Variants in KLHL4 observed in about 807,000 individuals in gnomAD.
The protein encoded by KLHL4 is kelch like family member 4, also known as kelch-like protein 4.
In KLHL4, 17 loss-of-function variants were observed where a neutral mutation model predicts 45.8. That is an observed-to-expected ratio of 0.37 (90% confidence interval 0.25 to 0.56). The LOEUF (loss-of-function observed/expected upper bound fraction) is 0.56, where lower values mean the gene tolerates loss of function less well. KLHL4 is among the 20% of genes least tolerant of loss of function. The pLI is 0.79. For missense variants in KLHL4, 544 were observed against 544.9 expected (o/e 1.00, Z 0.02); for synonymous variants, 224 against 189.9 (o/e 1.18, Z -1.47).
At chrX:87,659,944 G>A (rs1377275499) in intron 9 of KLHL4, among the ~76,000 whole-genome samples, 1 of 91,141 alleles carries the variant, frequency 1.1e-5, no homozygotes, top group East Asian at 3.5e-4. Context: ...TTCCGGATGT[G>A]TGTGTGCGCG....
chrX:87,543,566 G>A (rs1258643337), intron 1 of KLHL4, among the ~76,000 whole-genome samples: 1 of 110,801 alleles, frequency 9.0e-6, no homozygotes, highest in Non-Finnish European at 1.9e-5. Context: ...GGGAGAACAC[G>A]GCAATTATAA....
intron 1 of KLHL4, among the ~76,000 whole-genome samples, chrX:87,560,617 C>G (rs1932076953): frequency 9.0e-6 from 1 of 110,856 alleles, no homozygotes; most frequent in African/African-American, 3.3e-5. Context: ...TCCATTGTCC[C>G]CACTCCCACT....
At chrX:87,558,882 G>T (rs1932036923) in intron 1 of KLHL4, among the ~76,000 whole-genome samples, 1 of 111,805 alleles carries the variant, frequency 8.9e-6, no homozygotes, top group South Asian at 3.7e-4. Context: ...GTCTTATTTG[G>T]ATTGTGGTAA....
chrX:87,518,923 T>A, intron 1 of KLHL4, among the ~76,000 whole-genome samples: 1 of 112,366 alleles, frequency 8.9e-6, no homozygotes, highest in Middle Eastern at 4.6e-3. Context: ...CTTACAGCAA[T>A]GTGATCTTAA....
At chrX:87,651,783 A>T (rs932751754) in intron 9 of KLHL4, among the ~76,000 whole-genome samples, 2 of 111,780 alleles carry the variant, frequency 1.8e-5, no homozygotes, top group Non-Finnish European at 3.8e-5. Flanking sequence ...CAGGTGCACA[A>T]TGCAAGCTGT....
At chrX:87,590,341 CAAAG>C (rs1317517147) in intron 1 of KLHL4, among the ~76,000 whole-genome samples, 2 of 110,643 alleles carry the variant, frequency 1.8e-5, no homozygotes, top group African/African-American at 6.6e-5. Context: ...TGAAAAAAAT[CAAAG>C]AAACCCCTGA....
intron 3 of KLHL4, among the ~76,000 whole-genome samples, chrX:87,616,663 G>A (rs773468066): frequency 3.6e-5 from 4 of 111,397 alleles, no homozygotes; most frequent in African/African-American, 6.5e-5. Context: ...CTACTGTATC[G>A]AAGACATTTA....
chrX:87,632,151 T>C, intron 6 of KLHL4, 59 bp from the exon 7 acceptor site: 1 of 704,515 alleles, frequency 1.4e-6, no homozygotes, highest in Admixed American at 2.6e-5. Flanking sequence ...ATGTGAATAA[T>C]ACCAATTCAA....
intron 1 of KLHL4, among the ~76,000 whole-genome samples, chrX:87,546,220 T>C (rs900911605): frequency 1.8e-5 from 2 of 110,852 alleles, no homozygotes; most frequent in African/African-American, 3.3e-5. Context: ...ACCAGAGGCA[T>C]ATGAGGAAAA....
At chrX:87,666,427 CT>C (rs773106752) in intron 10 of KLHL4, 47 bp from the exon 11 acceptor site, 19 of 1,123,240 alleles carry the variant, frequency 1.7e-5, no homozygotes, top group Non-Finnish European at 2.0e-5. Flanking sequence ...TTATATTATG[CT>C]GAAATCAGAG....
chrX:87,536,114 C>T (rs1324266069), intron 1 of KLHL4, among the ~76,000 whole-genome samples: 8 of 110,932 alleles, frequency 7.2e-5, no homozygotes, highest in Non-Finnish European at 1.5e-4. Context: ...TTTGGGTAAT[C>T]GAGAACCAAA....
Position 87,669,162 on chromosome X carries a change from G to C in KLHL4, c.*2628G>C. ...ATGTTATTTATATATTCTTACAAGA[G>C]TGTAAGGGCTCACACATTTACTGTA... is the stretch of plus-strand genomic sequence containing the variant. On this transcript the variant is annotated 3_prime_UTR_variant, in exon 11 of 11. Coordinates refer to ENST00000373119, the MANE Select transcript of KLHL4 (RefSeq NM_019117.5). 9.5e-7 allele frequency: 1 copy of C among 1,050,097 alleles called. No individual in the cohort carries two copies. Among genetic ancestry groups the C allele is most frequent in the Non-Finnish European group, 1.2e-6 (1 of 815,150 alleles). The allele number at this position is 1,050,097 out of a possible 1,213,427, so 86.5% of individuals were successfully genotyped here.
chrX:87,530,491 A>G (rs1437083041), intron 1 of KLHL4, among the ~76,000 whole-genome samples: 2 of 89,508 alleles, frequency 2.2e-5, no homozygotes, highest in African/African-American at 4.3e-5. Flanking sequence ...TCATTGTTCA[A>G]TTCCCACCTA....
chrX:87,541,053 C>A (rs1182956677), intron 1 of KLHL4, among the ~76,000 whole-genome samples: 1 of 110,452 alleles, frequency 9.1e-6, no homozygotes, highest in Non-Finnish European at 1.9e-5. Flanking sequence ...TTCTGAGTCC[C>A]CACCCAAATC....
chrX:87,651,159 A>G (rs1043849711), intron 9 of KLHL4, among the ~76,000 whole-genome samples: 3 of 111,762 alleles, frequency 2.7e-5, no homozygotes, highest in Non-Finnish European at 5.6e-5. Context: ...TTTGCAAACA[A>G]TATCTTAGGT....
chrX:87,650,191 G>A (rs1296983685), intron 9 of KLHL4, among the ~76,000 whole-genome samples: 6 of 111,133 alleles, frequency 5.4e-5, no homozygotes, highest in African/African-American at 2.0e-4. Flanking sequence ...TGCTCCCCAA[G>A]TTCATGTAAT....
intron 1 of KLHL4, among the ~76,000 whole-genome samples, chrX:87,540,357 C>G: frequency 9.0e-6 from 1 of 111,628 alleles, no homozygotes; most frequent in Middle Eastern, 4.7e-3. Context: ...TATTTTTTAA[C>G]TTTATATTTT....
intron 9 of KLHL4, among the ~76,000 whole-genome samples, chrX:87,645,405 T>C (rs1255890848): frequency 9.0e-6 from 1 of 111,521 alleles, no homozygotes; most frequent in East Asian, 2.8e-4. Flanking sequence ...AAACGGTAGA[T>C]GCCAGTGTGA....
intron 1 of KLHL4, among the ~76,000 whole-genome samples, chrX:87,536,372 C>CA (rs1931428173): frequency 9.1e-6 from 1 of 110,463 alleles, no homozygotes; most frequent in Middle Eastern, 4.7e-3. Flanking sequence ...TTCTTTAAGC[C>CA]AAATTGTCAC....
Sources: gnomAD v4.1 joint callset for allele counts (sites outside exome capture counted in the v4.1 genomes callset) on GRCh38, gnomAD v4.1.1 for gene constraint, MANE v1.5 for transcripts, NCBI Gene and HGNC (gene_info 2026-07-23, HGNC 2026-07-21) for gene names.